Variants in TEAD1 observed in about 807,000 individuals in gnomAD.
The protein encoded by TEAD1 is transcriptional enhancer factor TEF-1.
TEAD1 carries 9 observed loss-of-function variants against 54.9 expected under a neutral mutation model. The observed-to-expected ratio is 0.16, with a 90% CI of 0.10 to 0.29. TEAD1 has a LOEUF of 0.29. Among genes scored for constraint, TEAD1 ranks in the 10% least tolerant of loss-of-function variants. TEAD1 has a pLI of 1.00. For missense variants in TEAD1, 387 were observed against 535.9 expected (o/e 0.72, Z 2.74); for synonymous variants, 200 against 187.8 (o/e 1.07, Z -0.53).
At chr11:12,869,357 A>G (rs1362533034) in intron 5 of TEAD1, among the ~76,000 whole-genome samples, 3 of 151,976 alleles carry the variant, frequency 2.0e-5, no homozygotes, top group East Asian at 1.9e-4. Flanking sequence ...GGCACTTAGC[A>G]CTCATCCTTG....
At chr11:12,753,066 A>G (rs1944909899) in intron 2 of TEAD1, among the ~76,000 whole-genome samples, 2 of 149,230 alleles carry the variant, frequency 1.3e-5, no homozygotes, top group Non-Finnish European at 3.0e-5. Context: ...GCTGCTCTCA[A>G]CTCCTGCGCT....
At chr11:12,845,154 G>A (rs1224678855) in intron 3 of TEAD1, among the ~76,000 whole-genome samples, 1 of 151,624 alleles carries the variant, frequency 6.6e-6, no homozygotes, top group Non-Finnish European at 1.5e-5. Flanking sequence ...TAGTAGACAC[G>A]GGGTTTCACC....
At chr11:12,796,144 A>G (rs1245700427) in intron 3 of TEAD1, among the ~76,000 whole-genome samples, 2 of 152,192 alleles carry the variant, frequency 1.3e-5, no homozygotes, top group African/African-American at 4.8e-5. Context: ...AATATTATAT[A>G]GCAAAGGAGA....
At chr11:12,723,705 C>T (rs1326000170) in intron 2 of TEAD1, among the ~76,000 whole-genome samples, 2 of 152,166 alleles carry the variant, frequency 1.3e-5, no homozygotes, top group African/African-American at 4.8e-5. Flanking sequence ...TTTAGTCATG[C>T]TCCTTCAACT....
intron 2 of TEAD1, among the ~76,000 whole-genome samples, chr11:12,750,056 C>T (rs73423613): frequency 0.075 from 11,451 of 152,218 alleles, 1,495 homozygotes; most frequent in African/African-American, 0.26. Context: ...TGGGGACTTG[C>T]TTGTGTTGGT....
At chr11:12,797,775 T>G (rs1945965924) in intron 3 of TEAD1, among the ~76,000 whole-genome samples, 1 of 152,142 alleles carries the variant, frequency 6.6e-6, no homozygotes, top group African/African-American at 2.4e-5. Context: ...ATTCTCCAAC[T>G]TCTCTTGTTT....
intron 3 of TEAD1, among the ~76,000 whole-genome samples, chr11:12,794,724 G>A (rs769363607): frequency 6.6e-6 from 1 of 152,182 alleles, no homozygotes; most frequent in African/African-American, 2.4e-5. Flanking sequence ...CCTGCAACCC[G>A]GCAGGAGCAC....
At chr11:12,767,432 A>G (rs989842771) in intron 3 of TEAD1, among the ~76,000 whole-genome samples, 8 of 152,160 alleles carry the variant, frequency 5.3e-5, no homozygotes, top group Non-Finnish European at 1.5e-5. Context: ...TTTTACTTGA[A>G]AGGGTTATGG....
rs2133926036 is a variant in TEAD1 at position 12,764,528 on chromosome 11, G to T, written c.202+94G>T. The T allele has an allele frequency of 4.2e-6, 6 of 1,417,678 alleles. No individual in the cohort carries two copies. In the South Asian group the frequency reaches 7.1e-5, roughly 17 times the overall value. The allele number at this position is 1,417,678 out of a possible 1,614,324, so 87.8% of individuals were successfully genotyped here. On this transcript the variant is annotated intron_variant, in intron 3 of 12. Transcript: ENST00000527636. ...GGTCTTCCAGCAAGAGCTGTTCATT[G>T]TATGGGGTTGAGTGATATTTGTAGA...
intron 7 of TEAD1, 97 bp downstream of exon 7, chr11:12,881,148 G>A: frequency 7.3e-7 from 1 of 1,375,354 alleles, no homozygotes; most frequent in Non-Finnish European, 1.0e-6. Context: ...GGGCCTGGAG[G>A]AGAAAGGAGC....
chr11:12,936,976 A>G, intron 12 of TEAD1, 133 bp from the exon 13 acceptor site: 1 of 659,882 alleles, frequency 1.5e-6, no homozygotes, highest in South Asian at 1.7e-5. Context: ...GTGTTAGAGG[A>G]CACAGAGTGA....
At chr11:12,679,129 AGTGGTGGTG>A (rs1351276858) in intron 2 of TEAD1, among the ~76,000 whole-genome samples, 1 of 151,944 alleles carries the variant, frequency 6.6e-6, no homozygotes, top group Non-Finnish European at 1.5e-5. Flanking sequence ...TAATGGTAGT[AGTGGTGGTG>A]GTGGTGGGGA....
At chr11:12,692,622 A>T (rs1454855294) in intron 2 of TEAD1, among the ~76,000 whole-genome samples, 3 of 151,932 alleles carry the variant, frequency 2.0e-5, no homozygotes, top group Middle Eastern at 3.2e-3. Context: ...CTCCGTGGGC[A>T]CTGAGAGTAG....
chr11:12,738,750 T>C (rs1944587421), intron 2 of TEAD1, among the ~76,000 whole-genome samples: 2 of 152,324 alleles, frequency 1.3e-5, no homozygotes, highest in South Asian at 4.1e-4. Context: ...CAGCCTGGCA[T>C]GTGGGCTCTG....
At chr11:12,812,540 C>A (rs566640350) in intron 3 of TEAD1, among the ~76,000 whole-genome samples, 8 of 152,204 alleles carry the variant, frequency 5.3e-5, no homozygotes, top group South Asian at 2.1e-4. Context: ...CACATTGACA[C>A]AAATTTTTAA....
At chr11:12,763,778 A>G (rs1367839700) in intron 2 of TEAD1, among the ~76,000 whole-genome samples, 1 of 152,210 alleles carries the variant, frequency 6.6e-6, no homozygotes, top group East Asian at 1.9e-4. Context: ...GATAGTAGGC[A>G]CTCAGTAAAT....
In TEAD1 at chr11:12,908,323, C is replaced by T. The variant is rs552556155; in HGVS notation, c.873+6210C>T. The stretch of plus-strand genomic sequence containing the variant: ...AAGCTTAGAGCCAGCTGGAGTTATT[C>T]GAACTAGTCAATCCTTAATTGGTCA... On this transcript the variant is annotated intron_variant, in intron 10 of 12. Coordinates refer to ENST00000527636, the MANE Select transcript of TEAD1 (RefSeq NM_021961.6). 4.6e-5 allele frequency among the ~76,000 whole-genome samples: 7 copies of T among 152,262 alleles called. No individual in the cohort carries two copies. In the East Asian group the frequency reaches 7.7e-4, roughly 17 times the overall value.
At chr11:12,837,738 C>CTTCTTCTTCCTCCTCTTCCT (rs1184011405) in intron 3 of TEAD1, among the ~76,000 whole-genome samples, 66 of 148,002 alleles carry the variant, frequency 4.5e-4, no homozygotes, top group African/African-American at 1.4e-3. Context: ...TTCTCCTCCT[C>CTTCTTCTTCCTCCTCTTCCT]CTTCTTCTTC....
intron 3 of TEAD1, among the ~76,000 whole-genome samples, chr11:12,815,620 A>G (rs1411358456): frequency 6.6e-6 from 1 of 152,212 alleles, no homozygotes; most frequent in Admixed American, 6.5e-5. Flanking sequence ...ACCAAGTAAT[A>G]AGTAGCTTCA....
Sources: allele counts gnomAD v4.1 joint callset (sites outside exome capture counted in the v4.1 genomes callset), GRCh38; gene constraint gnomAD v4.1.1; transcripts MANE v1.5; gene names NCBI Gene and HGNC (gene_info 2026-07-23, HGNC 2026-07-21).